The following FANCI variants were observed in gnomAD, a reference collection of about 807,000 sequenced individuals.
FANCI encodes Fanconi anemia group I protein.
In FANCI, 156 loss-of-function variants were observed where a neutral mutation model predicts 176.1. The observed-to-expected ratio is 0.89, with a 90% CI of 0.78 to 1.01. FANCI has a LOEUF of 1.01. Ranked by LOEUF, FANCI falls within the 50% of genes least tolerant of loss-of-function variation. The probability of loss-of-function intolerance (pLI) is 0.00; values close to 1 mark genes in which losing one functional copy is unlikely to be tolerated. For synonymous variants in FANCI, 613 were observed against 541.7 expected, an observed-to-expected ratio of 1.13 and a Z score of -1.83; for missense variants, 1,678 against 1,534.1, an observed-to-expected ratio of 1.09 and a Z score of -1.57.
intron 31 of FANCI, 78 bp downstream of exon 31, chr15:89,305,776 GGAGCCC>G: frequency 6.9e-7 from 1 of 1,442,768 alleles, no homozygotes; most frequent in Middle Eastern, 1.9e-4. Flanking sequence ...GCATAAAAAT[GGAGCCC>G]CTGAGCTAAA....
At chr15:89,313,100 C>G in intron 35 of FANCI, 128 bp downstream of exon 35, 1 of 960,884 alleles carries the variant, frequency 1.0e-6, no homozygotes, top group African/African-American at 1.6e-5. Flanking sequence ...CAGAATAAAT[C>G]ATCTAAAAAG....
At chr15:89,302,795 G>T (rs1359738281) in intron 27 of FANCI, among the ~76,000 whole-genome samples, 3 of 152,074 alleles carry the variant, frequency 2.0e-5, no homozygotes, top group African/African-American at 7.2e-5. Flanking sequence ...GGATGATCTC[G>T]ATCTCCTGAC....
At position 89,264,610 on chromosome 15, in the gene FANCI, G is replaced by A. The variant is rs2151305411; in HGVS notation, c.755+3G>A. The A allele has an allele frequency of 1.2e-6, 2 of 1,608,070 alleles. No individual in the cohort carries two copies. Among genetic ancestry groups the A allele is most frequent in the Non-Finnish European group, 1.7e-6 (2 of 1,174,792 alleles). The stretch of plus-strand genomic sequence containing the variant: ...AATGAGGAACAGAGTGGTGACGAGT[G>A]AGTAATATAGTGTAGAAATAAAGAT... On this transcript the variant is annotated splice_donor_region_variant and intron_variant, in intron 9 of 37. Coordinates refer to ENST00000310775, the MANE Select transcript of FANCI (RefSeq NM_001113378.2).
rs1491191681 is a variant in FANCI at position 89,273,510 on chromosome 15, GTA to G, written c.975+42_975+43del. 242 of 660,330 alleles carry G rather than the reference GTA, an allele frequency of 3.7e-4. No homozygotes were observed. In the African/African-American group the frequency reaches 4.3e-3, roughly 12 times the overall value. The allele number at this position is 660,330 out of a possible 1,614,324, so 40.9% of individuals were successfully genotyped here. A position where few individuals can be genotyped will look rare whatever the true frequency, so the allele number is the denominator to read the frequency against. ...GCCATTTTGTTTCTTTCTGTAGTTGGTAAAAAAAAAAAAAAAAAAAAAAAATC... is the reference window on the plus strand; with the variant it reads ...GCCATTTTGTTTCTTTCTGTAGTTGGAAAAAAAAAAAAAAAAAAAAAAATC... On this transcript the variant is annotated intron_variant, in intron 11 of 37. Coordinates refer to ENST00000310775, the MANE Select transcript of FANCI (RefSeq NM_001113378.2).
In FANCI at chr15:89,260,989, G is replaced by T. The variant is rs1229317939; in HGVS notation, c.288+146G>T. 5.7e-6 allele frequency: 6 copies of T among 1,060,802 alleles called. No individual in the cohort carries two copies. In the East Asian group the frequency reaches 1.7e-4, roughly 29 times the overall value. 65.7% of individuals were successfully genotyped at this position (1,060,802 alleles called of 1,614,324 possible). A position where few individuals can be genotyped will look rare whatever the true frequency, so the allele number is the denominator to read the frequency against. ...TGTTAAAAAACAAAGAAGCAGGCCG[G>T]GCATGGTGACTCACACCTGTAATCC... On this transcript the variant is annotated intron_variant, in intron 4 of 37. Transcript: ENST00000310775.
intron 29 of FANCI, 25 bp downstream of exon 29, chr15:89,305,267 A>G (rs761896582): frequency 1.2e-5 from 19 of 1,614,074 alleles, no homozygotes; most frequent in East Asian, 4.5e-5. Context: ...CTTCAGTACA[A>G]TACCCTGTGT....
intron 32 of FANCI, 45 bp from the exon 33 acceptor site, chr15:89,307,431 G>A (rs1273820354): frequency 1.3e-6 from 2 of 1,581,104 alleles, no homozygotes; most frequent in East Asian, 2.3e-5. Flanking sequence ...GTCACTTGTA[G>A]TTTCATAGGA....
intron 2 of FANCI, 48 bp from the exon 3 acceptor site, chr15:89,258,656 G>T (rs1334491686): frequency 7.2e-7 from 1 of 1,380,468 alleles, no homozygotes; most frequent in Non-Finnish European, 1.0e-6. Context: ...TAGGTCATTG[G>T]GGTAAAAGAC....
At chr15:89,247,482 A>G (rs1265191916) in intron 1 of FANCI, 147 bp from the exon 2 acceptor site, 1 of 650,470 alleles carries the variant, frequency 1.5e-6, no homozygotes, top group Non-Finnish European at 2.8e-6. Context: ...AAGAAGAAAA[A>G]AGAATCAGCT....
intron 2 of FANCI, among the ~76,000 whole-genome samples, chr15:89,253,783 T>A (rs1344222037): frequency 1.6e-5 from 1 of 63,482 alleles, no homozygotes. Context: ...CATAAATAAC[T>A]TGTGGGGGGG....
chr15:89,252,436 C>T (rs1219493773), intron 2 of FANCI, among the ~76,000 whole-genome samples: 1 of 151,972 alleles, frequency 6.6e-6, no homozygotes, highest in Non-Finnish European at 1.5e-5. Context: ...AATTAATATG[C>T]AAAAATCAGT....
rs112387610 is a variant in FANCI at position 89,261,842 on chromosome 15, G to A, written c.467G>A (p.Cys156Tyr). The change falls in exon 6 of 38, where the codon TGT becomes TAT. Residue 156 changes from cysteine (C) to tyrosine (Y), a missense_variant. By Grantham distance (194) the Cys-to-Tyr change is radical. This residue lies in a region of FANCI where 469 missense variants were observed against 436.9 expected (regional missense o/e 1.07). Coordinates refer to ENST00000310775, the MANE Select transcript of FANCI (RefSeq NM_001113378.2). ...YGKGVLSGEECKKQLINTLCS... is the reference protein window; with the variant it reads ...YGKGVLSGEEYKKQLINTLCS... ...CTAGGTGTACTGAGTGGGGAAGAAT[G>A]TAAGAAACAGTTGATTAACACCCTG... The A allele has an allele frequency of 8.2e-5, 132 of 1,613,894 alleles. No individual in the cohort carries two copies. In the East Asian group the frequency reaches 1.1e-3, roughly 14 times the overall value.
intron 11 of FANCI, 54 bp from the exon 12 acceptor site, chr15:89,274,114 G>C (rs925607987): frequency 7.6e-7 from 1 of 1,314,198 alleles, no homozygotes; most frequent in Non-Finnish European, 1.1e-6. Context: ...TCTGTTAGGT[G>C]CTTGATCTTT....
intron 35 of FANCI, among the ~76,000 whole-genome samples, chr15:89,313,967 A>G (rs981582380): frequency 1.4e-5 from 2 of 144,432 alleles, no homozygotes; most frequent in East Asian, 2.1e-4. Flanking sequence ...GGGGAAAGAT[A>G]TATAATCACA....
intron 2 of FANCI, among the ~76,000 whole-genome samples, chr15:89,252,492 C>T (rs1373917573): frequency 6.6e-6 from 1 of 152,060 alleles, no homozygotes; most frequent in Non-Finnish European, 1.5e-5. Flanking sequence ...GTAATCCCAG[C>T]ACTTTGGGAG....
intron 34 of FANCI, among the ~76,000 whole-genome samples, chr15:89,310,106 A>C (rs2054895774): frequency 6.6e-6 from 1 of 152,176 alleles, no homozygotes; most frequent in South Asian, 2.1e-4. Flanking sequence ...TGAGACTTGA[A>C]CCCAGCTAGT....
Position 89,261,808 on chromosome 15 carries a change from T to G in FANCI, c.446-13T>G. Reference sequence around the variant, plus strand: ...TAATCAAATTCATTGCTCAGTATATTTTGCATTTCTAGGTGTACTGAGTGG... The same window carrying G: ...TAATCAAATTCATTGCTCAGTATATGTTGCATTTCTAGGTGTACTGAGTGG... On this transcript the variant is annotated splice_polypyrimidine_tract_variant and intron_variant, in intron 5 of 37. Transcript: ENST00000310775. 1 of 1,614,106 alleles carries G rather than the reference T, an allele frequency of 6.2e-7. No homozygotes were observed. The highest frequency in any genetic ancestry group is 8.5e-7 in the Non-Finnish European group (1 of 1,179,990).
chr15:89,283,022 G>C (rs1218188405), intron 16 of FANCI, 114 bp from the exon 17 acceptor site: 1 of 1,005,796 alleles, frequency 9.9e-7, no homozygotes, highest in African/African-American at 1.6e-5. Context: ...TTTGCTCTAC[G>C]CTTCATTGTT....
At chr15:89,247,882 T>C in intron 2 of FANCI, 151 bp downstream of exon 2, 1 of 679,576 alleles carries the variant, frequency 1.5e-6, no homozygotes, top group Non-Finnish European at 2.5e-6. Flanking sequence ...AATTTATAGA[T>C]GTAAAGAAAT....
Sources: allele counts gnomAD v4.1 joint callset (sites outside exome capture counted in the v4.1 genomes callset), GRCh38; gene constraint gnomAD v4.1.1; regional missense constraint gnomAD v4.1.1; transcripts MANE v1.5; gene names NCBI Gene and HGNC (gene_info 2026-07-23, HGNC 2026-07-21).